The following CSNK1G2 variants were observed in gnomAD, a reference collection of about 807,000 sequenced individuals.
CSNK1G2 encodes casein kinase I isoform gamma-2.
A neutral mutation model predicts 48.0 loss-of-function variants in CSNK1G2; 11 were observed. The ratio of observed to expected loss-of-function variants is 0.23; its 90% CI spans 0.14 to 0.38. The LOEUF is 0.38. CSNK1G2 is among the 10% of genes least tolerant of loss of function. The pLI, the probability that CSNK1G2 is intolerant of heterozygous loss-of-function variation, is 1.00. For missense variants in CSNK1G2, 446 were observed against 595.5 expected, an observed-to-expected ratio of 0.75 and a Z score of 2.61; for synonymous variants, 337 against 254.1, an observed-to-expected ratio of 1.33 and a Z score of -3.10.
intron 2 of CSNK1G2, among the ~76,000 whole-genome samples, chr19:1,972,841 C>T (rs1205878007): frequency 1.3e-5 from 2 of 151,652 alleles, no homozygotes; most frequent in African/African-American, 4.8e-5. Flanking sequence ...CCAGGCTGGT[C>T]TTGAACTCCT....
intron 1 of CSNK1G2, among the ~76,000 whole-genome samples, chr19:1,958,053 C>G (rs927965778): frequency 3.3e-5 from 5 of 152,136 alleles, no homozygotes; most frequent in Non-Finnish European, 7.4e-5. Flanking sequence ...CTGCCCACAT[C>G]CTAATGGGAC....
chr19:1,966,781 C>T (rs1288499516), intron 1 of CSNK1G2, among the ~76,000 whole-genome samples: 1 of 152,188 alleles, frequency 6.6e-6, no homozygotes, highest in Non-Finnish European at 1.5e-5. Flanking sequence ...CAGCCGCCGT[C>T]CACATTGAGG....
intron 2 of CSNK1G2, among the ~76,000 whole-genome samples, chr19:1,973,201 A>G (rs928291393): frequency 2.6e-5 from 4 of 151,474 alleles, no homozygotes; most frequent in Admixed American, 2.0e-4. Context: ...TGCTGGGATT[A>G]CAGGCGTGAG....
chr19:1,945,407 C>T (rs866503144), intron 1 of CSNK1G2, among the ~76,000 whole-genome samples: 1 of 152,194 alleles, frequency 6.6e-6, no homozygotes, highest in Admixed American at 6.5e-5. Context: ...GGAATCGGGG[C>T]AGCCCCCTGC....
chr19:1,959,685 C>A (rs1375965174), intron 1 of CSNK1G2, among the ~76,000 whole-genome samples: 2 of 128,206 alleles, frequency 1.6e-5, no homozygotes, highest in Non-Finnish European at 3.1e-5. Context: ...CACCGTGGGT[C>A]CCCCAGCACC....
intron 1 of CSNK1G2, among the ~76,000 whole-genome samples, chr19:1,951,411 A>C (rs1381487370): frequency 7.0e-6 from 1 of 142,878 alleles, no homozygotes; most frequent in Non-Finnish European, 1.5e-5. Context: ...TCAAAAAAAA[A>C]ATAAAAAAAA....
intron 1 of CSNK1G2, among the ~76,000 whole-genome samples, chr19:1,945,747 G>A (rs376029140): frequency 4.0e-5 from 6 of 151,750 alleles, no homozygotes; most frequent in Non-Finnish European, 8.8e-5. Flanking sequence ...ACTTGAACCC[G>A]GGAGGTGGAG....
chr19:1,969,239 AC>A (rs1437704121), intron 1 of CSNK1G2, among the ~76,000 whole-genome samples: 3 of 34,310 alleles, frequency 8.7e-5, no homozygotes, highest in African/African-American at 2.8e-4. Context: ...CCACCCACCC[AC>A]CCACCCATCC....
At chr19:1,976,801 A>G (rs2015772272) in intron 2 of CSNK1G2, among the ~76,000 whole-genome samples, 1 of 149,210 alleles carries the variant, frequency 6.7e-6, no homozygotes, top group Non-Finnish European at 1.5e-5. Context: ...GTGCAATGGC[A>G]CCATCTCAGC....
At chr19:1,966,304 C>T (rs142012296) in intron 1 of CSNK1G2, among the ~76,000 whole-genome samples, 1 of 152,230 alleles carries the variant, frequency 6.6e-6, no homozygotes, top group Non-Finnish European at 1.5e-5. Context: ...AGAAGTTGGT[C>T]CCAGGCCTGA....
intron 1 of CSNK1G2, chr19:1,953,884 G>C (rs924445987): frequency 1.9e-6 from 1 of 534,024 alleles, no homozygotes; most frequent in Non-Finnish European, 3.8e-6. Context: ...TGACGGCTCA[G>C]CTGCGTTCTC....
rs1321683825 is a variant in CSNK1G2, at chr19:1,957,457, T to C, written c.-265-12051T>C. ...AGAGAAGGGGGCTGCCCCGAGCGGC[T>C]TGGGTGGCCGGGCCTGTGGGAGACC... is the stretch of plus-strand genomic sequence containing the variant. On this transcript the variant is annotated intron_variant, in intron 1 of 11. Transcript: ENST00000255641. This position sits in a 1 kb window ranked among gnomAD's most constrained non-coding sequence, Gnocchi z 5.4. Among the ~76,000 whole-genome samples the C allele has an allele frequency of 1.3e-5, 2 of 152,318 alleles. No homozygotes were observed. The highest frequency in any genetic ancestry group is 4.8e-5 in the African/African-American group (2 of 41,572).
At chr19:1,942,143 TC>T (rs2014390368) in intron 1 of CSNK1G2, among the ~76,000 whole-genome samples, 1 of 151,868 alleles carries the variant, frequency 6.6e-6, no homozygotes, top group African/African-American at 2.4e-5. Context: ...CGCTGCCCCC[TC>T]CCCCTTCCGC....
intron 1 of CSNK1G2, among the ~76,000 whole-genome samples, chr19:1,943,144 A>C (rs116751244): frequency 6.6e-6 from 1 of 152,186 alleles, no homozygotes; most frequent in Admixed American, 6.5e-5. Context: ...GCAGCGGGCA[A>C]ATGGGGTGAG....
At chr19:1,967,158 G>A (rs751219475) in intron 1 of CSNK1G2, among the ~76,000 whole-genome samples, 1 of 152,202 alleles carries the variant, frequency 6.6e-6, no homozygotes, top group Non-Finnish European at 1.5e-5. Context: ...GTTGCCGTGC[G>A]GAACCCAAGG....
At chr19:1,943,317 G>A (rs1049383744) in intron 1 of CSNK1G2, among the ~76,000 whole-genome samples, 1 of 152,182 alleles carries the variant, frequency 6.6e-6, no homozygotes, top group Non-Finnish European at 1.5e-5. Context: ...TGAAGAGGAT[G>A]AGGGAGCAGC....
chr19:1,979,463 C>T, intron 8 of CSNK1G2, 32 bp from the exon 9 acceptor site: 1 of 1,516,290 alleles, frequency 6.6e-7, no homozygotes, highest in East Asian at 2.5e-5. Context: ...ACCCCCACCC[C>T]CGCCGAGGCC....
At chr19:1,942,127 T>TG (rs2014389594) in intron 1 of CSNK1G2, among the ~76,000 whole-genome samples, 1 of 152,136 alleles carries the variant, frequency 6.6e-6, no homozygotes, top group South Asian at 2.1e-4. Context: ...AACTCCCGGC[T>TG]GGGCTCGCTG....
intron 1 of CSNK1G2, among the ~76,000 whole-genome samples, chr19:1,951,761 C>A (rs11880015): frequency 0.99 from 142,229 of 143,622 alleles, 70,505 homozygotes; most frequent in East Asian, 1. Context: ...GTTCACTGCA[C>A]GCTCCGCCTC....
Sources: gnomAD v4.1 joint callset for allele counts (sites outside exome capture counted in the v4.1 genomes callset) on GRCh38, gnomAD v4.1.1 for gene constraint, Gnocchi (gnomAD v3.1) non-coding constraint, MANE v1.5 for transcripts, NCBI Gene and HGNC (gene_info 2026-07-23, HGNC 2026-07-21) for gene names.